The following SLC2A11 variants were observed in gnomAD, a reference collection of about 807,000 sequenced individuals.
SLC2A11 encodes solute carrier family 2 member 11, also known as solute carrier family 2, facilitated glucose transporter member 11.
A neutral mutation model predicts 52.1 loss-of-function variants in SLC2A11; 43 were observed. The observed-to-expected ratio is 0.82, with a 90% CI of 0.65 to 1.06. The LOEUF (loss-of-function observed/expected upper bound fraction) is 1.06, where lower values mean the gene tolerates loss of function less well. SLC2A11 is among the 50% of genes least tolerant of loss of function. The pLI, the probability that SLC2A11 is intolerant of heterozygous loss-of-function variation, is 0.00. For missense variants in SLC2A11, 582 were observed against 654.2 expected, an observed-to-expected ratio of 0.89 and a Z score of 1.20; for synonymous variants, 261 against 277.6, an observed-to-expected ratio of 0.94 and a Z score of 0.59.
At chr22:23,863,789 A>G (rs1360697090) in intron 2 of SLC2A11, among the ~76,000 whole-genome samples, 2 of 151,838 alleles carry the variant, frequency 1.3e-5, no homozygotes, top group Non-Finnish European at 2.9e-5. Flanking sequence ...AACAAAGCCC[A>G]GCTATTTTAT....
upstream of SLC2A11, chr22:23,857,633 C>T (rs370081301): frequency 2.9e-4 from 326 of 1,136,600 alleles, 2 homozygotes; most frequent in African/African-American, 4.2e-3. Context: ...CTCCCCAGCA[C>T]CCCCAGCCCT....
chr22:23,883,744 T>C, intron 8 of SLC2A11, 28 bp from the exon 9 acceptor site: 1 of 1,479,306 alleles, frequency 6.8e-7, no homozygotes, highest in Non-Finnish European at 9.0e-7. Flanking sequence ...TGGCTGGGTG[T>C]GTGGGTCTGT....
intron 1 of SLC2A11, among the ~76,000 whole-genome samples, chr22:23,860,623 A>T (rs1371287375): frequency 2.0e-5 from 3 of 151,252 alleles, no homozygotes; most frequent in Non-Finnish European, 4.4e-5. Flanking sequence ...AATCCCAGCT[A>T]CTCGGGAGGC....
chr22:23,880,972 T>C lies in SLC2A11; in HGVS notation c.695-1487T>C, dbSNP rs150755507. ...TTCCGTGTTACTGCACTATATAACA[T>C]AGCTTTTCATTTCTCCAGCCTCATC... On this transcript the variant is annotated intron_variant, in intron 6 of 11. Transcript: ENST00000316185. The C allele has an allele frequency of 2.0e-5, 3 of 152,286 alleles. No individual in the cohort carries two copies. In the East Asian group the frequency reaches 5.8e-4, roughly 29 times the overall value. 9.4% of individuals were successfully genotyped at this position (152,286 alleles called of 1,614,324 possible). A position where few individuals can be genotyped will look rare whatever the true frequency, so the allele number is the denominator to read the frequency against.
Position 23,884,784 on chromosome 22 carries a change from T to A in SLC2A11, c.1435T>A (p.Phe479Ile). Reference protein sequence around the residue: ...EISKELHRLNFPRRAQGPTWR... With the variant: ...EISKELHRLNIPRRAQGPTWR... ...CTCCAAGGAATTACACAGACTCAAC[T>A]TCCCCAGGCGGGCCCAGGGCCCCAC... The change falls in exon 12 of 12, where the codon TTC (phenylalanine) becomes ATC (isoleucine). Residue 479 changes from phenylalanine to isoleucine, a missense_variant. Phe to Ile is a conservative substitution (Grantham distance 21, BLOSUM62 0). Coordinates refer to ENST00000316185, the MANE Select transcript of SLC2A11 (RefSeq NM_001024939.4). This position sits in a 1 kb window ranked among gnomAD's most constrained non-coding sequence, Gnocchi z 4.3. 1 of 1,614,182 alleles carries A rather than the reference T, an allele frequency of 6.2e-7. No individual in the cohort carries two copies. Among genetic ancestry groups the A allele is most frequent in the Non-Finnish European group, 8.5e-7 (1 of 1,180,032 alleles).
intron 6 of SLC2A11, 97 bp from the exon 7 acceptor site, chr22:23,882,362 G>GA: frequency 9.0e-7 from 1 of 1,114,562 alleles, no homozygotes; most frequent in East Asian, 2.6e-5. Flanking sequence ...AGTGAGCCAA[G>GA]AAGGAAAGGA....
intron 3 of SLC2A11, chr22:23,869,830 A>G (rs916372119): frequency 3.6e-5 from 21 of 586,834 alleles, no homozygotes; most frequent in African/African-American, 5.7e-5. Context: ...TGCTTCCAAG[A>G]TGGTGCCTTG....
rs1373484117 is a variant in SLC2A11 at position 23,857,927 on chromosome 22, C to G, written c.-73C>G. Reference sequence around the variant, plus strand: ...GCCCTTCCCTCCGCGCACAGGCTGCCGGCTCACCGCTTGCTAATGGCAGCC... The same window carrying G: ...GCCCTTCCCTCCGCGCACAGGCTGCGGGCTCACCGCTTGCTAATGGCAGCC... On this transcript the variant is annotated 5_prime_UTR_variant, in exon 1 of 12. Coordinates refer to ENST00000316185, the MANE Select transcript of SLC2A11 (RefSeq NM_001024939.4). 3.1e-5 allele frequency: 50 copies of G among 1,589,634 alleles called. No individual in the cohort carries two copies. Among genetic ancestry groups the G allele is most frequent in the Non-Finnish European group, 4.3e-5 (50 of 1,169,292 alleles).
chr22:23,883,059 G>C, intron 8 of SLC2A11, 190 bp downstream of exon 8: 1 of 678,590 alleles, frequency 1.5e-6, no homozygotes, highest in Non-Finnish European at 2.7e-6. Flanking sequence ...AGGAGTTCGA[G>C]ACCAGCCTGG....
intron 2 of SLC2A11, 123 bp from the exon 3 acceptor site, chr22:23,868,358 C>A: frequency 8.2e-7 from 1 of 1,213,026 alleles, no homozygotes; most frequent in Non-Finnish European, 1.2e-6. Context: ...GCTCAGAAGA[C>A]ACGGTGCCTG....
chr22:23,885,022 C>T lies in SLC2A11; in HGVS notation c.*173C>T, dbSNP rs1025524869. 2.2e-5 allele frequency: 13 copies of T among 597,518 alleles called. No individual in the cohort carries two copies. In the African/African-American group the frequency reaches 2.4e-4, roughly 11 times the overall value. 37.0% of individuals were successfully genotyped at this position (597,518 alleles called of 1,614,324 possible). ...GCAATCAATGGTGAGCGTGGTATTC[C>T]AGGCTAAAGGTAATTAACTGACAGA... is the stretch of plus-strand genomic sequence containing the variant. On this transcript the variant is annotated 3_prime_UTR_variant, in exon 12 of 12. Transcript: ENST00000316185.
rs562768271 is a variant in SLC2A11, at chr22:23,862,295, G to A, written c.129+93G>A. The stretch of plus-strand genomic sequence containing the variant: ...GGGGCTTCAGCCAGGCATCCACTAG[G>A]TGGCACTTTCTGCCACAAGTTTGTC... On this transcript the variant is annotated intron_variant, in intron 2 of 11. Coordinates refer to ENST00000316185, the MANE Select transcript of SLC2A11 (RefSeq NM_001024939.4). 6.5e-5 allele frequency: 78 copies of A among 1,204,072 alleles called. No individual in the cohort carries two copies. The Middle Eastern group carries it at 2.4e-3, about 37-fold the overall frequency. The allele number at this position is 1,204,072 out of a possible 1,614,324, so 74.6% of individuals were successfully genotyped here.
In SLC2A11 at chr22:23,882,842, C is replaced by T. The variant is rs1388142975; in HGVS notation, c.966C>T (p.Ser322=). The change falls in exon 8 of 12, where the codon AGC becomes AGT. Residue 322 remains serine, a synonymous_variant. Coordinates refer to ENST00000316185, the MANE Select transcript of SLC2A11 (RefSeq NM_001024939.4). The part of the protein sequence containing the change: ...KIQYAIIGTG[S]CELLTAVVSC... The stretch of plus-strand genomic sequence containing the variant: ...AGTACGCGATCATCGGGACTGGGAG[C>T]TGCGAGCTGCTCACGGCGGTTGTTA... 1 of 1,613,438 alleles carries T rather than the reference C, an allele frequency of 6.2e-7. No homozygotes were observed. Among genetic ancestry groups the T allele is most frequent in the East Asian group, 2.2e-5 (1 of 44,834 alleles).
intron 6 of SLC2A11, chr22:23,880,790 T>A (rs1362265209): frequency 6.6e-6 from 1 of 152,158 alleles, no homozygotes; most frequent in Non-Finnish European, 1.5e-5. Flanking sequence ...TTGTTGCCTC[T>A]GAATTCTGCT....
In SLC2A11 at chr22:23,884,836, C is replaced by T. The variant is rs2032949482; in HGVS notation, c.1487C>T (p.Ser496Leu). 1.9e-6 allele frequency: 3 copies of T among 1,614,108 alleles called. No individual in the cohort carries two copies. Among genetic ancestry groups the T allele is most frequent in the Non-Finnish European group, 2.5e-6 (3 of 1,179,976 alleles). The change falls in exon 12 of 12, where the codon TCA (serine) becomes TTA (leucine). Residue 496 changes from serine (S) to leucine (L), a missense_variant. Ser to Leu is a moderately radical substitution (Grantham distance 145, BLOSUM62 -2). Coordinates refer to ENST00000316185, the MANE Select transcript of SLC2A11 (RefSeq NM_001024939.4). The surrounding 1 kb of genome is among the most constrained non-coding windows in gnomAD (Gnocchi z 4.3). ...TGGAGGAGCCTGGAGGTTATCCAGT[C>T]AACAGAACTCTAGTCCCAAAGGGGT... The part of the protein sequence containing the change: ...PTWRSLEVIQ[S>L]TEL
At chr22:23,867,991 G>A in intron 2 of SLC2A11, 1 of 328,138 alleles carries the variant, frequency 3.0e-6, no homozygotes, top group Non-Finnish European at 6.1e-6. Flanking sequence ...TTGATGGCCA[G>A]TTGGTCAGAA....
chr22:23,876,992 G>C, intron 4 of SLC2A11, 50 bp from the exon 5 acceptor site: 1 of 1,612,826 alleles, frequency 6.2e-7, no homozygotes, highest in Non-Finnish European at 8.5e-7. Flanking sequence ...GTGTCGTGGA[G>C]TGGGGGTCCC....
At position 23,868,660 on chromosome 22, in the gene SLC2A11, C is replaced by A. The variant is rs150865871; in HGVS notation, c.290+19C>A. ...TGGGAAGGTAAGTGCTTCCTGCATA[C>A]CCCCTGAATGCCCTTTAATGAGGAG... On this transcript the variant is annotated intron_variant, in intron 3 of 11. Coordinates refer to ENST00000316185, the MANE Select transcript of SLC2A11 (RefSeq NM_001024939.4). 145 of 1,613,454 alleles carry A rather than the reference C, an allele frequency of 9.0e-5. 3 individuals are homozygous for A. In the South Asian group the frequency reaches 1.0e-3, roughly 11 times the overall value.
chr22:23,882,946 C>T (rs745925294), intron 8 of SLC2A11, 77 bp downstream of exon 8: 9 of 1,294,610 alleles, frequency 7.0e-6, no homozygotes, highest in Admixed American at 2.0e-5. Flanking sequence ...AACCAGTTTA[C>T]ACTCCAGCTT....
Sources: allele counts gnomAD v4.1 joint callset (sites outside exome capture counted in the v4.1 genomes callset), GRCh38; gene constraint gnomAD v4.1.1; non-coding constraint Gnocchi (gnomAD v3.1); transcripts MANE v1.5; gene names NCBI Gene and HGNC (gene_info 2026-07-23, HGNC 2026-07-21).